TTI1: variants seen among roughly 807,000 people sequenced by gnomAD.
TTI1 encodes TELO2 interacting protein 1, also known as TELO2-interacting protein 1 homolog.
Under a neutral mutation model 85.4 loss-of-function variants are expected in TTI1, and 52 were observed. That is an observed-to-expected ratio of 0.61 (90% CI 0.49 to 0.77). The LOEUF is 0.77. Ranked by LOEUF, TTI1 falls within the 30% of genes least tolerant of loss-of-function variation. The pLI is 0.00. For synonymous variants in TTI1, 512 were observed against 503.9 expected, an observed-to-expected ratio of 1.02 and a Z score of -0.22; for missense variants, 1,173 against 1,296.0, an observed-to-expected ratio of 0.91 and a Z score of 1.46.
At chr20:38,003,439 GT>G (rs1329435674) in intron 3 of TTI1, among the ~76,000 whole-genome samples, 2 of 152,098 alleles carry the variant, frequency 1.3e-5, no homozygotes, top group Admixed American at 6.5e-5. Context: ...GATGACTTCA[GT>G]TTTTTTCCCT....
chr20:37,983,352 C>T lies in TTI1; in HGVS notation c.*104G>A, dbSNP rs548428331. The T allele has an allele frequency of 2.5e-6, 3 of 1,203,660 alleles. No individual in the cohort carries two copies. Among genetic ancestry groups the T allele is most frequent in the East Asian group, 2.6e-5 (1 of 38,846 alleles). 74.6% of individuals were successfully genotyped at this position (1,203,660 alleles called of 1,614,324 possible). ...TAAATCGATTGGCTAACTAATTCAC[C>T]TTCTCTGCTGCCGCTGCCACCGCCT... On this transcript the variant is annotated 3_prime_UTR_variant, in exon 8 of 8. Coordinates refer to ENST00000373447, the MANE Select transcript of TTI1 (RefSeq NM_001303457.2).
At chr20:38,015,421 G>T (rs2073668445) in intron 1 of TTI1, among the ~76,000 whole-genome samples, 1 of 152,140 alleles carries the variant, frequency 6.6e-6, no homozygotes, top group South Asian at 2.1e-4. Flanking sequence ...CTTGGCTGGG[G>T]TCTAATGACA....
In TTI1 at chr20:37,996,914, G is replaced by A. The variant is rs539845758; in HGVS notation, c.2833C>T (p.Arg945Cys). The A allele has an allele frequency of 8.7e-6, 14 of 1,614,124 alleles. No homozygotes were observed. The highest frequency in any genetic ancestry group is 3.3e-5 in the Admixed American group (2 of 60,022). Reference protein sequence around the residue: ...TLGSKCGDFLRSRFCKDVLPK... With the variant: ...TLGSKCGDFLCSRFCKDVLPK... ...AGGACATCTTTGCAGAACCGGCTGC[G>A]AAGAAAGTCACCACACTTGCTTCCC... Residue 945 changes from arginine (R) to cysteine (C), a missense_variant, in exon 6 of 8, where the codon CGC becomes TGC. Arg to Cys is a radical substitution (Grantham distance 180). Transcript: ENST00000373447.
intron 1 of TTI1, among the ~76,000 whole-genome samples, chr20:38,015,953 GA>G: frequency 6.6e-6 from 1 of 152,296 alleles, no homozygotes; most frequent in East Asian, 1.9e-4. Context: ...AGCCTTGAAG[GA>G]TACACACCTG....
chr20:37,993,847 T>A lies in TTI1; in HGVS notation c.3086+2528A>T, dbSNP rs565726417. Among the ~76,000 whole-genome samples the A allele has an allele frequency of 5.3e-5, 8 of 152,272 alleles. No individual in the cohort carries two copies. The South Asian group carries it at 8.3e-4, about 16-fold the overall frequency. ...CTCTTCTCCCATGAGGGTAAGTGTG[T>A]GTAAGTGTGTCACTCTGACTGCAGT... On this transcript the variant is annotated intron_variant, in intron 7 of 7. Coordinates refer to ENST00000373447, the MANE Select transcript of TTI1 (RefSeq NM_001303457.2).
chr20:38,010,724 C>T (rs1195948869), intron 2 of TTI1, among the ~76,000 whole-genome samples: 4 of 152,080 alleles, frequency 2.6e-5, no homozygotes, highest in African/African-American at 9.7e-5. Flanking sequence ...GATCCGCCTG[C>T]CTTGGCCTCC....
chr20:38,012,678 G>T lies in TTI1; in HGVS notation c.1139C>A (p.Ser380Tyr). The T allele has an allele frequency of 6.2e-7, 1 of 1,614,220 alleles. No homozygotes were observed. Among genetic ancestry groups the T allele is most frequent in the Non-Finnish European group, 8.5e-7 (1 of 1,180,040 alleles). The change falls in exon 2 of 8, where the codon TCC becomes TAC. Residue 380 changes from serine to tyrosine, a missense_variant. Transcript: ENST00000373447. ...LADILSESLH[S>Y]LATSLPRLMN... ...TAGGCGAGGAAGAGATGTGGCAAGG[G>T]AATGCAGGCTTTCTGACAAGATGTC...
chr20:38,010,901 T>A (rs999005676), intron 2 of TTI1, among the ~76,000 whole-genome samples: 1 of 152,204 alleles, frequency 6.6e-6, no homozygotes, highest in African/African-American at 2.4e-5. Context: ...ACCTGCTCTG[T>A]CCAGTATGGT....
At chr20:38,022,624 T>C (rs1320614877) in intron 1 of TTI1, among the ~76,000 whole-genome samples, 1 of 151,950 alleles carries the variant, frequency 6.6e-6, no homozygotes, top group Non-Finnish European at 1.5e-5. Flanking sequence ...GAGTTTTTCC[T>C]ACAGGTAGTT....
chr20:37,984,049 A>G (rs530317839), intron 7 of TTI1, among the ~76,000 whole-genome samples: 1 of 152,320 alleles, frequency 6.6e-6, no homozygotes, highest in South Asian at 2.1e-4. Flanking sequence ...AGGCAGGCCC[A>G]GGGCAGGGCT....
chr20:38,023,852 G>A (rs13044188), intron 1 of TTI1, among the ~76,000 whole-genome samples: 166 of 152,312 alleles, frequency 1.1e-3, no homozygotes, highest in Non-Finnish European at 1.9e-3. Flanking sequence ...CTTGACAAGG[G>A]AAGAGAGATA....
rs2073347540 is a variant in TTI1, at chr20:37,996,803, ACTTGAAGG to A, written c.2936_2943del (p.Ala979ValfsTer14). The stretch of plus-strand genomic sequence containing the variant: ...AGGCCCTGTAAGACAGCCAGCTGCA[ACTTGAAGG>A]CCAGCGTGTGCGAGTAAACTGGTCC... On this transcript the variant is annotated frameshift_variant, in exon 6 of 8. Transcript: ENST00000373447. LOFTEE classifies it high-confidence loss of function. 6.2e-7 allele frequency: 1 copy of A among 1,613,786 alleles called. No individual in the cohort carries two copies. The highest frequency in any genetic ancestry group is 1.3e-5 in the African/African-American group (1 of 74,934).
chr20:38,017,376 T>A (rs2073697190), intron 1 of TTI1, among the ~76,000 whole-genome samples: 1 of 151,596 alleles, frequency 6.6e-6, no homozygotes. Context: ...AGACTGAGAA[T>A]GTTCAGAGGG....
intron 1 of TTI1, among the ~76,000 whole-genome samples, chr20:38,030,622 T>C (rs1169069428): frequency 1.3e-5 from 2 of 151,850 alleles, no homozygotes; most frequent in African/African-American, 2.4e-5. Flanking sequence ...GAAAATCAAT[T>C]AGAGTTGTTA....
rs1171961323 is a variant in TTI1, at chr20:38,013,181, T to C, written c.636A>G (p.Gly212=). The C allele has an allele frequency of 1.2e-6, 2 of 1,614,170 alleles. No individual in the cohort carries two copies. The highest frequency in any genetic ancestry group is 4.5e-5 in the East Asian group (2 of 44,890). The change falls in exon 2 of 8, where the codon GGA becomes GGG. Residue 212 remains glycine (G), a synonymous_variant. Transcript: ENST00000373447. ...TAAGCCTGGTCAGTGCAGTTGAGATTCCAGGTAAAAAAGAGGCAAACAAAT... is the reference window on the plus strand; with the variant it reads ...TAAGCCTGGTCAGTGCAGTTGAGATCCCAGGTAAAAAAGAGGCAAACAAAT... ...LGDLFASFLP[G]ISTALTRLIT...
chr20:38,014,066 T>C (rs2073646103), intron 1 of TTI1, among the ~76,000 whole-genome samples: 1 of 152,196 alleles, frequency 6.6e-6, no homozygotes, highest in African/African-American at 2.4e-5. Flanking sequence ...AGGACAGGCC[T>C]AAGCTTACAG....
At chr20:38,014,157 G>C (rs1186123463) in intron 1 of TTI1, among the ~76,000 whole-genome samples, 1 of 152,164 alleles carries the variant, frequency 6.6e-6, no homozygotes, top group African/African-American at 2.4e-5. Flanking sequence ...ACTTGAGGGA[G>C]GAAGGAATAG....
At chr20:37,990,400 C>A (rs1027400338) in intron 7 of TTI1, among the ~76,000 whole-genome samples, 1 of 152,166 alleles carries the variant, frequency 6.6e-6, no homozygotes, top group Non-Finnish European at 1.5e-5. Context: ...AACATACATG[C>A]TTTTTTCGGT....
At chr20:38,019,779 T>C (rs1279669019) in intron 1 of TTI1, among the ~76,000 whole-genome samples, 2 of 152,218 alleles carry the variant, frequency 1.3e-5, no homozygotes, top group Non-Finnish European at 2.9e-5. Context: ...AATTACTTGT[T>C]GGTGGAGGGC....
Sources: gnomAD v4.1 joint callset for allele counts (sites outside exome capture counted in the v4.1 genomes callset) on GRCh38, gnomAD v4.1.1 for gene constraint, MANE v1.5 for transcripts, NCBI Gene and HGNC (gene_info 2026-07-23, HGNC 2026-07-21) for gene names.